Variants in FAM81B observed in about 807,000 individuals in gnomAD.
FAM81B encodes the protein family with sequence similarity 81 member B.
A neutral mutation model predicts 58.7 loss-of-function variants in FAM81B; 60 were observed. The ratio of observed to expected loss-of-function variants is 1.02; its 90% CI spans 0.83 to 1.27. The LOEUF (loss-of-function observed/expected upper bound fraction) is 1.27. Ranked by LOEUF, FAM81B falls within the 50% of genes most tolerant of loss-of-function variation. The pLI is 0.00. For synonymous variants in FAM81B, 189 were observed against 179.6 expected (o/e 1.05, Z -0.42); for missense variants, 491 against 522.0 (o/e 0.94, Z 0.58).
chr5:95,403,072 T>C (rs1159588357), intron 3 of FAM81B, among the ~76,000 whole-genome samples: 1 of 152,234 alleles, frequency 6.6e-6, no homozygotes, highest in East Asian at 1.9e-4. Context: ...TGCCTTATAT[T>C]ATTCGCTGAT....
At chr5:95,412,978 C>T (rs1352885433) in intron 3 of FAM81B, among the ~76,000 whole-genome samples, 2 of 152,182 alleles carry the variant, frequency 1.3e-5, no homozygotes, top group African/African-American at 4.8e-5. Context: ...TATTTCATCA[C>T]TCAATGAGTT....
At chr5:95,410,618 A>T (rs1441658017) in intron 3 of FAM81B, 2 of 152,196 alleles carry the variant, frequency 1.3e-5, no homozygotes, top group African/African-American at 4.8e-5. Context: ...TTTTTAAAAG[A>T]TATATACTAT....
At chr5:95,431,415 G>A (rs1031967548) in intron 6 of FAM81B, among the ~76,000 whole-genome samples, 3 of 151,706 alleles carry the variant, frequency 2.0e-5, no homozygotes, top group Non-Finnish European at 4.4e-5. Flanking sequence ...CTTCCACTAC[G>A]TTCTTTTTTC....
At position 95,392,785 on chromosome 5, in the gene FAM81B, G is replaced by A; in HGVS notation, c.125-9G>A. On this transcript the variant is annotated splice_polypyrimidine_tract_variant and intron_variant, in intron 1 of 9. Transcript: ENST00000283357. Reference sequence around the variant, plus strand: ...GTTCCTGACCTGATTCAGCATTCTGGTTACCTAGATACAAATGTAAACAAA... The same window carrying A: ...GTTCCTGACCTGATTCAGCATTCTGATTACCTAGATACAAATGTAAACAAA... The A allele has an allele frequency of 6.2e-7, 1 of 1,602,338 alleles. No individual in the cohort carries two copies. Among genetic ancestry groups the A allele is most frequent in the Non-Finnish European group, 8.5e-7 (1 of 1,173,638 alleles).
intron 2 of FAM81B, 63 bp downstream of exon 2, chr5:95,392,960 G>C: frequency 7.3e-7 from 1 of 1,367,356 alleles, no homozygotes; most frequent in East Asian, 2.6e-5. Flanking sequence ...TTAAAGTTTA[G>C]AGTGCTTAGA....
At chr5:95,410,117 A>T (rs556064012) in intron 3 of FAM81B, among the ~76,000 whole-genome samples, 2 of 152,340 alleles carry the variant, frequency 1.3e-5, no homozygotes, top group Admixed American at 6.5e-5. Context: ...TCTCGATTTA[A>T]AAAAGGACGG....
chr5:95,415,814 A>T (rs868197970), intron 4 of FAM81B, among the ~76,000 whole-genome samples: 2 of 152,342 alleles, frequency 1.3e-5, no homozygotes, highest in Middle Eastern at 3.4e-3. Flanking sequence ...TTGAGTCAAG[A>T]TCCGCCCAGA....
At chr5:95,396,696 AT>A (rs1761975224) in intron 3 of FAM81B, 1 of 152,290 alleles carries the variant, frequency 6.6e-6, no homozygotes, top group African/African-American at 2.4e-5. Context: ...ACACATGCAC[AT>A]TGTCCAAAAT....
intron 6 of FAM81B, among the ~76,000 whole-genome samples, chr5:95,430,479 T>C (rs1183452820): frequency 6.6e-6 from 1 of 151,744 alleles, no homozygotes; most frequent in African/African-American, 2.4e-5. Flanking sequence ...CATCTTTCCA[T>C]ATTGATACAC....
chr5:95,422,209 G>A (rs866632963), intron 5 of FAM81B, among the ~76,000 whole-genome samples: 1 of 151,394 alleles, frequency 6.6e-6, no homozygotes, highest in Non-Finnish European at 1.5e-5. Context: ...ATGCCGTCTT[G>A]GAAATAATAC....
In FAM81B at chr5:95,414,196, T is replaced by C. The variant is rs746974591; in HGVS notation, c.537+6T>C. The C allele has an allele frequency of 2.0e-5, 31 of 1,587,844 alleles. No individual in the cohort carries two copies. The highest frequency in any genetic ancestry group is 2.5e-5 in the Non-Finnish European group (29 of 1,168,480). On this transcript the variant is annotated splice_donor_region_variant and intron_variant, in intron 4 of 9. Transcript: ENST00000283357. ...AACTCAGCCAAAATATTGAGGTAGTTCTCTTTTTGTTTTATTTTGTTTTTG... is the reference window on the plus strand; with the variant it reads ...AACTCAGCCAAAATATTGAGGTAGTCCTCTTTTTGTTTTATTTTGTTTTTG...
chr5:95,398,142 G>T (rs146436286), intron 3 of FAM81B, among the ~76,000 whole-genome samples: 1,586 of 152,266 alleles, frequency 0.01, 18 homozygotes, highest in Admixed American at 0.014. Flanking sequence ...TCACTGGCCA[G>T]GCACAGTGGC....
In FAM81B at chr5:95,428,747, A is replaced by G. The variant is rs776559594; in HGVS notation, c.786+15A>G. Reference sequence around the variant, plus strand: ...TGGACATGAAGGTAATTGAAAATAGATGGGACTCATATTACGTGTTACTGC... The same window carrying G: ...TGGACATGAAGGTAATTGAAAATAGGTGGGACTCATATTACGTGTTACTGC... On this transcript the variant is annotated intron_variant, in intron 6 of 9. Coordinates refer to ENST00000283357, the MANE Select transcript of FAM81B (RefSeq NM_152548.3). The G allele has an allele frequency of 3.1e-6, 5 of 1,613,466 alleles. No individual in the cohort carries two copies. The highest frequency in any genetic ancestry group is 4.5e-5 in the East Asian group (2 of 44,884).
Position 95,440,363 on chromosome 5 carries a change from T to C in FAM81B, c.893+3457T>C, listed in dbSNP as rs1745285808. 5.3e-6 allele frequency: 4 copies of C among 758,876 alleles called. No individual in the cohort carries two copies. The Admixed American group carries it at 5.4e-5, about 10-fold the overall frequency. 47.0% of individuals were successfully genotyped at this position (758,876 alleles called of 1,614,324 possible). A position where few individuals can be genotyped will look rare whatever the true frequency, so the allele number is the denominator to read the frequency against. ...ATGTAAATAATCCTGATGTTAAGGCTGGTGTGAAGGCTAACCTGCTTCAGA... is the reference window on the plus strand; with the variant it reads ...ATGTAAATAATCCTGATGTTAAGGCCGGTGTGAAGGCTAACCTGCTTCAGA... On this transcript the variant is annotated intron_variant, in intron 7 of 9. Transcript: ENST00000283357.
intron 3 of FAM81B, among the ~76,000 whole-genome samples, chr5:95,405,807 TCTC>T (rs998261339): frequency 2.0e-5 from 3 of 152,080 alleles, no homozygotes; most frequent in African/African-American, 7.2e-5. Context: ...CAAAATAACT[TCTC>T]CTGTCAGGTC....
At chr5:95,445,244 T>G (rs745642571) in intron 7 of FAM81B, among the ~76,000 whole-genome samples, 4 of 152,218 alleles carry the variant, frequency 2.6e-5, no homozygotes, top group Non-Finnish European at 5.9e-5. Flanking sequence ...CAATTATTAC[T>G]TTAACTGTCT....
intron 4 of FAM81B, among the ~76,000 whole-genome samples, chr5:95,419,055 G>T (rs1582804306): frequency 6.6e-6 from 1 of 151,994 alleles, no homozygotes; most frequent in African/African-American, 2.4e-5. Context: ...AAATATTTTA[G>T]CATATAGTAG....
chr5:95,436,946 C>A, intron 7 of FAM81B, 40 bp downstream of exon 7: 1 of 1,507,412 alleles, frequency 6.6e-7, no homozygotes. Context: ...TAAGTGCATT[C>A]CAAAGAGTTT....
intron 3 of FAM81B, among the ~76,000 whole-genome samples, chr5:95,413,720 C>T (rs757095046): frequency 7.9e-5 from 12 of 152,164 alleles, no homozygotes; most frequent in Non-Finnish European, 1.8e-4. Flanking sequence ...TCATGAATGC[C>T]TCTACCCACT....
Sources: gnomAD v4.1 joint callset for allele counts (sites outside exome capture counted in the v4.1 genomes callset) on GRCh38, gnomAD v4.1.1 for gene constraint, MANE v1.5 for transcripts, NCBI Gene and HGNC (gene_info 2026-07-23, HGNC 2026-07-21) for gene names.